Variants in HACE1 observed in about 807,000 individuals in gnomAD.
The protein encoded by HACE1 is E3 ubiquitin-protein ligase HACE1.
HACE1 carries 73 observed loss-of-function variants against 118.4 expected under a neutral mutation model. That is an observed-to-expected ratio of 0.62 (90% CI 0.51 to 0.75). The LOEUF is 0.75. HACE1 is among the 30% of genes least tolerant of loss of function. HACE1 has a pLI of 0.00. For synonymous variants in HACE1, 368 were observed against 374.8 expected (o/e 0.98, Z 0.21); for missense variants, 749 against 1,102.2 (o/e 0.68, Z 4.54).
At chr6:104,840,993 C>T (rs986666076) in intron 5 of HACE1, among the ~76,000 whole-genome samples, 5 of 151,166 alleles carry the variant, frequency 3.3e-5, no homozygotes, top group South Asian at 2.1e-4. Flanking sequence ...TGGTAGCAGG[C>T]GCCTATATTC....
intron 22 of HACE1, among the ~76,000 whole-genome samples, chr6:104,739,374 A>G (rs868816777): frequency 2.3e-4 from 35 of 152,188 alleles, no homozygotes; most frequent in African/African-American, 4.6e-4. Context: ...AGACTGGCAA[A>G]TTGGATAAAG....
chr6:104,828,257 G>A (rs1046232056), intron 6 of HACE1, among the ~76,000 whole-genome samples: 1 of 151,976 alleles, frequency 6.6e-6, no homozygotes, highest in African/African-American at 2.4e-5. Flanking sequence ...CCAGCTTCTT[G>A]TATAAGCATA....
At chr6:104,756,830 C>T (rs1395202032) in intron 19 of HACE1, among the ~76,000 whole-genome samples, 3 of 152,184 alleles carry the variant, frequency 2.0e-5, no homozygotes, top group African/African-American at 4.8e-5. Flanking sequence ...AGGAATGGTA[C>T]ACTCCTGCCC....
intron 11 of HACE1, among the ~76,000 whole-genome samples, chr6:104,790,881 G>A (rs1163386803): frequency 6.6e-6 from 1 of 151,690 alleles, no homozygotes; most frequent in East Asian, 1.9e-4. Context: ...TATTCATTTT[G>A]TTTACTTCAT....
At position 104,791,479 on chromosome 6, in the gene HACE1, T is replaced by A. The variant is rs1163630820; in HGVS notation, c.1074+25A>T. 1.9e-6 allele frequency: 3 copies of A among 1,588,854 alleles called. No homozygotes were observed. The Admixed American group carries it at 5.0e-5, about 26-fold the overall frequency. On this transcript the variant is annotated intron_variant, in intron 11 of 23. Coordinates refer to ENST00000262903, the MANE Select transcript of HACE1 (RefSeq NM_020771.4). ...TTCATCTCTTTTACGTCTATCTTCC[T>A]AACAATGCCATATACTTTTCTCACC...
intron 19 of HACE1, among the ~76,000 whole-genome samples, chr6:104,753,055 T>C: frequency 6.6e-6 from 1 of 152,210 alleles, no homozygotes; most frequent in Admixed American, 6.5e-5. Context: ...GTCGAACTGC[T>C]TCTAAAATGT....
Position 104,729,335 on chromosome 6 carries a change from C to A in HACE1, c.*327G>T. 3.4e-6 allele frequency: 1 copy of A among 293,540 alleles called. No homozygotes were observed. Among genetic ancestry groups the A allele is most frequent in the Non-Finnish European group, 6.5e-6 (1 of 153,736 alleles). The allele number at this position is 293,540 out of a possible 1,614,324, so 18.2% of individuals were successfully genotyped here. A position where few individuals can be genotyped will look rare whatever the true frequency, so the allele number is the denominator to read the frequency against. On this transcript the variant is annotated 3_prime_UTR_variant, in exon 24 of 24. Coordinates refer to ENST00000262903, the MANE Select transcript of HACE1 (RefSeq NM_020771.4). ...AAACACCCTTTTAACAAGACAGTTA[C>A]ATAGCAGAGGTGGAATGTAGAATCA...
intron 4 of HACE1, among the ~76,000 whole-genome samples, chr6:104,846,671 C>A (rs568829613): frequency 6.6e-6 from 1 of 152,150 alleles, no homozygotes; most frequent in Non-Finnish European, 1.5e-5. Context: ...GGCCCCAAAA[C>A]GCAGACTGAC....
At chr6:104,850,475 G>T (rs1562510320) in intron 3 of HACE1, among the ~76,000 whole-genome samples, 1 of 152,102 alleles carries the variant, frequency 6.6e-6, no homozygotes, top group South Asian at 2.1e-4. Context: ...CTGAAAAGAG[G>T]ATAGGTACCA....
chr6:104,812,773 G>A (rs1030037161), intron 6 of HACE1, among the ~76,000 whole-genome samples: 4 of 152,150 alleles, frequency 2.6e-5, no homozygotes, highest in African/African-American at 7.2e-5. Context: ...AGGAATAGAG[G>A]AATTGGAAGT....
intron 14 of HACE1, 49 bp from the exon 15 acceptor site, chr6:104,777,366 T>A (rs1265020169): frequency 9.0e-7 from 1 of 1,116,994 alleles, no homozygotes; most frequent in South Asian, 1.2e-5. Context: ...ATCAGTCATC[T>A]AATTATCAGA....
At chr6:104,823,703 TA>T in intron 6 of HACE1, among the ~76,000 whole-genome samples, 1 of 150,418 alleles carries the variant, frequency 6.6e-6, no homozygotes, top group African/African-American at 2.4e-5. Flanking sequence ...TTTTAAAGAA[TA>T]AAAAATTGCC....
intron 3 of HACE1, among the ~76,000 whole-genome samples, chr6:104,850,319 T>C (rs930664499): frequency 6.6e-6 from 1 of 152,298 alleles, no homozygotes; most frequent in East Asian, 1.9e-4. Context: ...TTCTCTACTT[T>C]CAAGATGGTC....
At chr6:104,811,677 CA>C (rs1431025033) in intron 6 of HACE1, among the ~76,000 whole-genome samples, 7 of 152,106 alleles carry the variant, frequency 4.6e-5, no homozygotes, top group Admixed American at 2.0e-4. Context: ...TCAGTAGTTA[CA>C]TATTGGCTAC....
intron 17 of HACE1, among the ~76,000 whole-genome samples, chr6:104,772,640 C>T (rs749953516): frequency 2.0e-5 from 3 of 152,172 alleles, no homozygotes; most frequent in Non-Finnish European, 4.4e-5. Context: ...TAGAAAATCA[C>T]CTCAGTCCAC....
intron 20 of HACE1, among the ~76,000 whole-genome samples, chr6:104,746,905 T>G (rs55692908): frequency 0.16 from 24,787 of 152,130 alleles, 2,061 homozygotes; most frequent in Middle Eastern, 0.23. Context: ...TATGCTTTCA[T>G]TATTCATAAT....
At chr6:104,750,599 A>C in intron 19 of HACE1, 127 bp from the exon 20 acceptor site, 6 of 847,540 alleles carry the variant, frequency 7.1e-6, no homozygotes, top group Non-Finnish European at 1.1e-5. Flanking sequence ...CATACATCTC[A>C]GCAAATCAGC....
At chr6:104,743,605 AT>A (rs1777073846) in intron 22 of HACE1, among the ~76,000 whole-genome samples, 1 of 151,976 alleles carries the variant, frequency 6.6e-6, no homozygotes, top group African/African-American at 2.4e-5. Context: ...AAGCTAAAAG[AT>A]GGTTAAATCA....
chr6:104,740,401 C>T (rs1474622196), intron 22 of HACE1, among the ~76,000 whole-genome samples: 1 of 151,840 alleles, frequency 6.6e-6, no homozygotes, highest in Non-Finnish European at 1.5e-5. Flanking sequence ...AAAGGATCAA[C>T]AAAATTGATA....
Sources: allele counts gnomAD v4.1 joint callset (sites outside exome capture counted in the v4.1 genomes callset), GRCh38; gene constraint gnomAD v4.1.1; transcripts MANE v1.5; gene names NCBI Gene and HGNC (gene_info 2026-07-23, HGNC 2026-07-21).